The following NELL1 variants were observed in gnomAD, a reference collection of about 807,000 sequenced individuals.
NELL1 encodes the protein protein kinase C-binding protein NELL1.
Under a neutral mutation model 107.4 loss-of-function variants are expected in NELL1, and 76 were observed. The ratio of observed to expected loss-of-function variants is 0.71; its 90% CI spans 0.59 to 0.86. The LOEUF (loss-of-function observed/expected upper bound fraction) is 0.86. NELL1 is among the 40% of genes least tolerant of loss of function. The pLI is 0.00. For synonymous variants in NELL1, 353 were observed against 341.2 expected (o/e 1.03, Z -0.38); for missense variants, 1,024 against 1,005.5 (o/e 1.02, Z -0.25).
intron 2 of NELL1, among the ~76,000 whole-genome samples, chr11:20,737,332 A>G (rs958045751): frequency 6.6e-6 from 1 of 152,130 alleles, no homozygotes; most frequent in Admixed American, 6.6e-5. Flanking sequence ...TTTCAGATAT[A>G]TCTGAGTTAG....
At chr11:21,052,836 G>A (rs1459339511) in intron 12 of NELL1, among the ~76,000 whole-genome samples, 2 of 152,102 alleles carry the variant, frequency 1.3e-5, no homozygotes, top group African/African-American at 4.8e-5. Flanking sequence ...GGAGTCCAGT[G>A]TCTGTGGGTG....
At chr11:21,407,185 G>A (rs2133805377) in intron 15 of NELL1, among the ~76,000 whole-genome samples, 1 of 152,192 alleles carries the variant, frequency 6.6e-6, no homozygotes, top group East Asian at 2.0e-4. Context: ...GGAGGCCAAA[G>A]TGGGCAGATC....
chr11:21,484,556 GT>G (rs1050473854), intron 15 of NELL1, among the ~76,000 whole-genome samples: 1 of 151,490 alleles, frequency 6.6e-6, no homozygotes, highest in Non-Finnish European at 1.5e-5. Flanking sequence ...GTAGGCTTGT[GT>G]TTATGTATGT....
At chr11:21,507,856 G>A (rs1456677338) in intron 15 of NELL1, among the ~76,000 whole-genome samples, 1 of 151,220 alleles carries the variant, frequency 6.6e-6, no homozygotes, top group Non-Finnish European at 1.5e-5. Context: ...TCTCAGCTCA[G>A]TGCAACCTCT....
At chr11:21,225,073 G>C (rs550725731) in intron 13 of NELL1, among the ~76,000 whole-genome samples, 5 of 152,074 alleles carry the variant, frequency 3.3e-5, no homozygotes, top group African/African-American at 1.2e-4. Context: ...CTATGGTAAT[G>C]GTATCATTTC....
intron 1 of NELL1, among the ~76,000 whole-genome samples, chr11:20,676,869 A>G (rs1485631111): frequency 1.3e-5 from 2 of 152,228 alleles, no homozygotes; most frequent in Non-Finnish European, 2.9e-5. Context: ...AGCACAGTCA[A>G]AATTGCACTA....
At chr11:21,219,438 A>T (rs4923439) in intron 13 of NELL1, among the ~76,000 whole-genome samples, 86,817 of 151,942 alleles carry the variant, frequency 0.57, 24,897 homozygotes, top group East Asian at 0.61. Context: ...GGTTGTCTCT[A>T]TACTCTGTTG....
At chr11:21,134,624 A>G (rs1199644326) in intron 13 of NELL1, among the ~76,000 whole-genome samples, 2 of 152,180 alleles carry the variant, frequency 1.3e-5, no homozygotes, top group Non-Finnish European at 2.9e-5. Context: ...CACTGAGGGT[A>G]GATGGAAGAG....
intron 2 of NELL1, among the ~76,000 whole-genome samples, chr11:20,755,533 G>GTTTTTTTT (rs1564894850): frequency 1.6e-5 from 1 of 60,630 alleles, no homozygotes; most frequent in African/African-American, 4.3e-5. Context: ...GACCTGTGTG[G>GTTTTTTTT]GTTTTTGTTT....
chr11:20,757,743 C>T (rs1223157593), intron 2 of NELL1, among the ~76,000 whole-genome samples: 1 of 152,190 alleles, frequency 6.6e-6, no homozygotes, highest in Non-Finnish European at 1.5e-5. Flanking sequence ...CCGATTTTAC[C>T]TAAGCCCATG....
chr11:21,139,675 G>A (rs988602689), intron 13 of NELL1, among the ~76,000 whole-genome samples: 9 of 152,138 alleles, frequency 5.9e-5, no homozygotes, highest in Non-Finnish European at 7.3e-5. Context: ...ATAAACATTT[G>A]TTCACATTGT....
intron 15 of NELL1, among the ~76,000 whole-genome samples, chr11:21,427,658 C>A (rs534014733): frequency 7.2e-5 from 11 of 152,280 alleles, no homozygotes; most frequent in African/African-American, 2.6e-4. Context: ...ATAGCTTGAA[C>A]CCAGGAGTTT....
chr11:20,780,710 G>A (rs1309361220), intron 2 of NELL1, among the ~76,000 whole-genome samples: 1 of 152,216 alleles, frequency 6.6e-6, no homozygotes, highest in African/African-American at 2.4e-5. Flanking sequence ...TTAATGCAGA[G>A]TCTGCCTTGG....
intron 15 of NELL1, among the ~76,000 whole-genome samples, chr11:21,468,230 AATTCTTAGAATTT>A (rs1290124971): frequency 1.3e-5 from 2 of 152,200 alleles, no homozygotes; most frequent in East Asian, 1.9e-4. Flanking sequence ...ACACAGACAA[AATTCTTAGAATTT>A]ATTCTTAGAA....
At chr11:20,882,447 C>G (rs1849427708) in intron 4 of NELL1, among the ~76,000 whole-genome samples, 1 of 152,144 alleles carries the variant, frequency 6.6e-6, no homozygotes, top group Non-Finnish European at 1.5e-5. Flanking sequence ...TTTAAGCTCA[C>G]AGAAAACTTA....
At chr11:21,391,700 G>A (rs779100621) in intron 15 of NELL1, among the ~76,000 whole-genome samples, 19 of 151,644 alleles carry the variant, frequency 1.3e-4, no homozygotes, top group Non-Finnish European at 1.6e-4. Flanking sequence ...TCTGGAGTGC[G>A]GTAATGCAGT....
At chr11:21,573,763 AGAAG>A (rs968276057) in intron 19 of NELL1, among the ~76,000 whole-genome samples, 2 of 149,186 alleles carry the variant, frequency 1.3e-5, no homozygotes, top group African/African-American at 5.1e-5. Context: ...TAGAAAGAAA[AGAAG>A]GAAGGAAGGG....
chr11:21,382,054 G>A (rs1851626853), intron 15 of NELL1, among the ~76,000 whole-genome samples: 1 of 151,544 alleles, frequency 6.6e-6, no homozygotes, highest in Non-Finnish European at 1.5e-5. Flanking sequence ...TCATTCAAAA[G>A]GCTACCCACT....
Position 20,721,026 on chromosome 11 carries a change from A to G in NELL1, c.184+42966A>G, listed in dbSNP as rs184456505. Among the ~76,000 whole-genome samples, 160 of 151,998 alleles carry G rather than the reference A, an allele frequency of 1.1e-3. No homozygotes were observed. The Middle Eastern group carries it at 0.031, about 29-fold the overall frequency. On this transcript the variant is annotated intron_variant, in intron 2 of 19. Coordinates refer to ENST00000357134, the MANE Select transcript of NELL1 (RefSeq NM_006157.5). ...TCTGTTTTCCAAGCTCATCAGGTAC[A>G]TTTTCCTCTTCCAATTTATTTAGGA...
Sources: allele counts gnomAD v4.1 joint callset (sites outside exome capture counted in the v4.1 genomes callset), GRCh38; gene constraint gnomAD v4.1.1; transcripts MANE v1.5; gene names NCBI Gene and HGNC (gene_info 2026-07-23, HGNC 2026-07-21).